STRA6: variants seen among roughly 807,000 people sequenced by gnomAD.
STRA6 encodes signaling receptor and transporter of retinol STRA6, also known as receptor for retinol uptake STRA6.
In STRA6, 48 loss-of-function variants were observed where a neutral mutation model predicts 83.6. That is an observed-to-expected ratio of 0.57 (90% CI 0.46 to 0.73). The LOEUF (loss-of-function observed/expected upper bound fraction) is 0.73, where lower values mean the gene tolerates loss of function less well. Ranked by LOEUF, STRA6 falls within the 30% of genes least tolerant of loss-of-function variation. The probability of loss-of-function intolerance (pLI) is 0.00; values close to 1 mark genes in which losing one functional copy is unlikely to be tolerated. For synonymous variants in STRA6, 353 were observed against 362.3 expected (o/e 0.97, Z 0.29); for missense variants, 760 against 838.8 (o/e 0.91, Z 1.16).
chr15:74,180,941 G>T lies in STRA6; in HGVS notation c.1685-4C>A, dbSNP rs746676073. On this transcript the variant is annotated splice_polypyrimidine_tract_variant and splice_region_variant and intron_variant, in intron 17 of 18. Transcript: ENST00000395105. Reference sequence around the variant, plus strand: ...AAGTTTCGGTACGTGTAGTAGCCTGGGGTGGGGTGGCGGATGGCAATGCTG... The same window carrying T: ...AAGTTTCGGTACGTGTAGTAGCCTGTGGTGGGGTGGCGGATGGCAATGCTG... 3.7e-6 allele frequency: 6 copies of T among 1,613,564 alleles called. No individual in the cohort carries two copies. In the African/African-American group the frequency reaches 8.0e-5, roughly 22 times the overall value.
rs546891676 is a variant in STRA6 at position 74,190,322 on chromosome 15, A to G, written c.927+518T>C. 3.9e-5 allele frequency among the ~76,000 whole-genome samples: 6 copies of G among 152,326 alleles called. No individual in the cohort carries two copies. The South Asian group carries it at 1.2e-3, about 32-fold the overall frequency. On this transcript the variant is annotated intron_variant, in intron 11 of 18. Transcript: ENST00000395105. ...TATTAGCTGTGCAGAAACTTGGCCA[A>G]GTCAAATTCACCTCTCCAAGCTTCC... is the stretch of plus-strand genomic sequence containing the variant.
At position 74,197,831 on chromosome 15, in the gene STRA6, T is replaced by C. The variant is rs1040515310; in HGVS notation, c.114-13A>G. 1 of 1,612,168 alleles carries C rather than the reference T, an allele frequency of 6.2e-7. No homozygotes were observed. Among genetic ancestry groups the C allele is most frequent in the Non-Finnish European group, 8.5e-7 (1 of 1,179,916 alleles). ...GGAGGGCACTTCCCTGCAGAGCAAATGAAGGCTGGCTCAGGCCTGCGTCAG... is the reference window on the plus strand; with the variant it reads ...GGAGGGCACTTCCCTGCAGAGCAAACGAAGGCTGGCTCAGGCCTGCGTCAG... On this transcript the variant is annotated splice_polypyrimidine_tract_variant and intron_variant, in intron 2 of 18. Transcript: ENST00000395105.
At chr15:74,191,032 C>T (rs1307843955) in intron 10 of STRA6, 131 bp from the exon 11 acceptor site, 1 of 1,565,972 alleles carries the variant, frequency 6.4e-7, no homozygotes, top group South Asian at 1.2e-5. Context: ...GGTCTTCCCG[C>T]TGTCCCAAGC....
At chr15:74,187,101 T>C (rs2073291415) in intron 12 of STRA6, among the ~76,000 whole-genome samples, 1 of 152,228 alleles carries the variant, frequency 6.6e-6, no homozygotes, top group African/African-American at 2.4e-5. Flanking sequence ...CTGGACCATT[T>C]GCTGCCAGGA....
chr15:74,183,619 T>C, intron 14 of STRA6: 2 of 1,384,138 alleles, frequency 1.4e-6, no homozygotes, highest in Non-Finnish European at 1.9e-6. Flanking sequence ...GCACCCAGGG[T>C]TCATCTCCAT....
chr15:74,190,865 G>GTAGC lies in STRA6; in HGVS notation c.898_901dup (p.Thr301SerfsTer200). The stretch of plus-strand genomic sequence containing the variant: ...CTGGTAAATGGCCGTCCCTGTCAGT[G>GTAGC]TAGCTGAAAGCACCAGCTTCAGCGG... On this transcript the variant is annotated frameshift_variant, in exon 11 of 19. Coordinates refer to ENST00000395105, the MANE Select transcript of STRA6 (RefSeq NM_022369.4). LOFTEE classifies it high-confidence loss of function. 1 of 1,614,132 alleles carries GTAGC rather than the reference G, an allele frequency of 6.2e-7. No individual in the cohort carries two copies. Among genetic ancestry groups the GTAGC allele is most frequent in the Non-Finnish European group, 8.5e-7 (1 of 1,180,020 alleles).
chr15:74,207,545 C>T (rs1477444115), upstream of STRA6, among the ~76,000 whole-genome samples: 3 of 152,212 alleles, frequency 2.0e-5, no homozygotes, highest in African/African-American at 7.2e-5. Flanking sequence ...CGTTGCTCTC[C>T]ACCCTCCCAT....
chr15:74,189,963 T>C (rs2073452455), intron 11 of STRA6, among the ~76,000 whole-genome samples: 1 of 152,142 alleles, frequency 6.6e-6, no homozygotes. Flanking sequence ...CACCCAGACA[T>C]AGGACAACTG....
At position 74,196,815 on chromosome 15, in the gene STRA6, C is replaced by T. The variant is rs551110417; in HGVS notation, c.266+523G>A. On this transcript the variant is annotated intron_variant, in intron 4 of 18. Coordinates refer to ENST00000395105, the MANE Select transcript of STRA6 (RefSeq NM_022369.4). The stretch of plus-strand genomic sequence containing the variant: ...AGGAGCCACCCATCACCTGCCCCAA[C>T]CCTTTGGTCTCTCGCACACTAGCTT... 4.9e-4 allele frequency among the ~76,000 whole-genome samples: 75 copies of T among 152,340 alleles called. 1 individual carries two copies. In the South Asian group the frequency reaches 0.015, roughly 30 times the overall value.
intron 10 of STRA6, 48 bp from the exon 11 acceptor site, chr15:74,190,949 C>T (rs760645217): frequency 1.9e-5 from 31 of 1,612,098 alleles, no homozygotes; most frequent in African/African-American, 1.5e-4. Flanking sequence ...CACTCAGGCC[C>T]GGGAGCCCTC....
chr15:74,193,728 G>A (rs954728923), intron 8 of STRA6, 72 bp downstream of exon 8: 2 of 1,600,098 alleles, frequency 1.2e-6, no homozygotes, highest in East Asian at 4.5e-5. Flanking sequence ...CATGTATCTG[G>A]GACCACAGAT....
chr15:74,185,522 C>T (rs905455601), intron 12 of STRA6, among the ~76,000 whole-genome samples: 4 of 152,230 alleles, frequency 2.6e-5, no homozygotes, highest in South Asian at 2.1e-4. Context: ...TAATGGTCTT[C>T]GTTCAGGGCA....
upstream of STRA6, among the ~76,000 whole-genome samples, chr15:74,207,118 C>T (rs2074276837): frequency 6.6e-6 from 1 of 152,186 alleles, no homozygotes; most frequent in Admixed American, 6.5e-5. Context: ...GTTGATTAAA[C>T]CTGAGGAATT....
upstream of STRA6, chr15:74,209,674 A>G (rs2074340476): frequency 3.7e-6 from 2 of 538,620 alleles, no homozygotes; most frequent in Non-Finnish European, 6.6e-6. Flanking sequence ...ACGCTGCTGG[A>G]CAGTCGGCTG....
intron 5 of STRA6, 128 bp from the exon 6 acceptor site, chr15:74,195,803 A>G: frequency 1.1e-6 from 1 of 911,616 alleles, no homozygotes; most frequent in Non-Finnish European, 1.7e-6. Context: ...CAGTTCCTCC[A>G]TTGCAAAATG....
At chr15:74,184,576 C>A (rs527770674) in intron 13 of STRA6, among the ~76,000 whole-genome samples, 37 of 152,348 alleles carry the variant, frequency 2.4e-4, no homozygotes, top group African/African-American at 8.4e-4. Flanking sequence ...CACCTACACT[C>A]TCACATGGCA....
At chr15:74,211,116 T>C (rs2074361162), upstream of STRA6, among the ~76,000 whole-genome samples, 1 of 138,914 alleles carries the variant, frequency 7.2e-6, no homozygotes, top group South Asian at 2.4e-4. Flanking sequence ...AGGGGAAGTT[T>C]TGCCAGAGAT....
At chr15:74,202,306 A>G in intron 1 of STRA6, 24 bp from the exon 2 acceptor site, 4 of 1,564,944 alleles carry the variant, frequency 2.6e-6, no homozygotes, top group Non-Finnish European at 3.4e-6. Flanking sequence ...CGAGAGAAAA[A>G]AAAAGCCACT....
chr15:74,211,393 CTTTTTTT>C (rs34963230), upstream of STRA6, among the ~76,000 whole-genome samples: 2 of 73,892 alleles, frequency 2.7e-5, no homozygotes, highest in South Asian at 5.3e-4. Context: ...CTGCCCCTGG[CTTTTTTT>C]TTTTTTTTTT....
Sources: gnomAD v4.1 joint callset for allele counts (sites outside exome capture counted in the v4.1 genomes callset) on GRCh38, gnomAD v4.1.1 for gene constraint, MANE v1.5 for transcripts, NCBI Gene and HGNC (gene_info 2026-07-23, HGNC 2026-07-21) for gene names.